The following RIMS2 variants were observed in gnomAD, a reference collection of about 807,000 sequenced individuals.
RIMS2 encodes regulating synaptic membrane exocytosis protein 2.
Under a neutral mutation model 174.4 loss-of-function variants are expected in RIMS2, and 59 were observed. The observed-to-expected ratio is 0.34, with a 90% CI of 0.27 to 0.42. The LOEUF is 0.42. Ranked by LOEUF, RIMS2 falls within the 10% of genes least tolerant of loss-of-function variation. RIMS2 has a pLI of 1.00. For missense variants in RIMS2, 1,620 were observed against 1,666.3 expected (o/e 0.97, Z 0.48); for synonymous variants, 606 against 572.5 (o/e 1.06, Z -0.84).
At chr8:103,812,331 GTTTTTTTT>G (rs71575985) in intron 3 of RIMS2, among the ~76,000 whole-genome samples, 5 of 111,644 alleles carry the variant, frequency 4.5e-5, no homozygotes, top group East Asian at 8.5e-4. Context: ...TTATTACCTT[GTTTTTTTT>G]TTTTTTTTTT....
rs1454012446 is a variant in RIMS2, at chr8:104,093,457, A to G, written c.3334+78842A>G. On this transcript the variant is annotated intron_variant, in intron 19 of 23. Coordinates refer to ENST00000504942, the Ensembl canonical transcript of RIMS2. The stretch of plus-strand genomic sequence containing the variant: ...ACTGACAACTTCTGCGTATTTGTCA[A>G]TCTGTGTTAACAGTATCGATCAGGA... The G allele has an allele frequency of 6.4e-7, 1 of 1,570,390 alleles. No individual in the cohort carries two copies. Among genetic ancestry groups the G allele is most frequent in the Non-Finnish European group, 8.6e-7 (1 of 1,162,620 alleles).
intron 3 of RIMS2, among the ~76,000 whole-genome samples, chr8:103,837,829 C>T (rs1336441540): frequency 6.6e-6 from 1 of 152,104 alleles, no homozygotes; most frequent in Admixed American, 6.6e-5. Context: ...CATACGTGTG[C>T]ATGTGTCTTT....
chr8:104,038,768 A>G (rs1189618538), intron 19 of RIMS2, among the ~76,000 whole-genome samples: 2 of 151,928 alleles, frequency 1.3e-5, no homozygotes, highest in East Asian at 1.9e-4. Flanking sequence ...GCAATAGTAC[A>G]TAATAAAACT....
chr8:103,555,979 C>G (rs1456525659), intron 1 of RIMS2, among the ~76,000 whole-genome samples: 2 of 151,872 alleles, frequency 1.3e-5, no homozygotes, highest in Non-Finnish European at 1.5e-5. Context: ...TATGTGGAAT[C>G]TAAAGAAGTT....
At chr8:103,766,536 A>C in exon 3 of RIMS2, 1 of 1,598,398 alleles carries the variant, frequency 6.3e-7, no homozygotes, top group Non-Finnish European at 8.5e-7. Flanking sequence ...AGCTTCAGAC[A>C]GGTAAACATT....
intron 19 of RIMS2, among the ~76,000 whole-genome samples, chr8:104,244,554 T>C (rs1006320298): frequency 3.9e-5 from 6 of 152,146 alleles, no homozygotes; most frequent in African/African-American, 1.2e-4. Flanking sequence ...CATTTAAATA[T>C]TACAATGAAA....
At chr8:103,568,614 G>T in intron 1 of RIMS2, 2 of 579,244 alleles carry the variant, frequency 3.5e-6, no homozygotes, top group South Asian at 3.1e-5. Flanking sequence ...GATCAGTTGT[G>T]ACTGTGCAAT....
chr8:103,868,768 A>G (rs2099095717), intron 3 of RIMS2, among the ~76,000 whole-genome samples: 1 of 152,188 alleles, frequency 6.6e-6, no homozygotes. Flanking sequence ...TTCACTTGAT[A>G]TAATTCATGA....
At chr8:103,584,060 TCAAGGATAAAGA>T (rs1216561264) in intron 1 of RIMS2, among the ~76,000 whole-genome samples, 2 of 151,962 alleles carry the variant, frequency 1.3e-5, no homozygotes, top group Non-Finnish European at 2.9e-5. Flanking sequence ...CTCCCAAAGG[TCAAGGATAAAGA>T]AAGGATCCGA....
chr8:104,051,480 T>C (rs1435503101), intron 19 of RIMS2, among the ~76,000 whole-genome samples: 2 of 151,886 alleles, frequency 1.3e-5, no homozygotes, highest in African/African-American at 4.8e-5. Context: ...TTTAAGGAAA[T>C]CTGTAAAAAT....
chr8:103,592,321 A>C (rs1203653269), intron 1 of RIMS2, among the ~76,000 whole-genome samples: 2 of 151,188 alleles, frequency 1.3e-5, no homozygotes, highest in Non-Finnish European at 3.0e-5. Flanking sequence ...AATAAAACAT[A>C]TTCTTCCATT....
intron 1 of RIMS2, among the ~76,000 whole-genome samples, chr8:103,695,704 G>A (rs1343685380): frequency 6.6e-6 from 1 of 150,620 alleles, no homozygotes; most frequent in South Asian, 2.1e-4. Flanking sequence ...ATTTTACTGT[G>A]TATGAGATCC....
chr8:104,211,447 T>C (rs1040783297), intron 19 of RIMS2, among the ~76,000 whole-genome samples: 18 of 152,154 alleles, frequency 1.2e-4, no homozygotes, highest in African/African-American at 4.3e-4. Context: ...GAGTACGACT[T>C]GTGATAAAAT....
In RIMS2 at chr8:103,583,378, C is replaced by G. The variant is rs964210109; in HGVS notation, c.176+82316C>G. On this transcript the variant is annotated intron_variant, in intron 1 of 23. Transcript: ENST00000504942. ...TGTTATATCATCTTCAGTGCCTAGA[C>G]ACTGAAGAAGATCTGCTAGCATCAA... 2.0e-5 allele frequency among the ~76,000 whole-genome samples: 3 copies of G among 152,112 alleles called. No individual in the cohort carries two copies. The East Asian group carries it at 5.8e-4, about 29-fold the overall frequency.
intron 3 of RIMS2, among the ~76,000 whole-genome samples, chr8:103,857,963 T>A (rs1055985817): frequency 6.6e-6 from 1 of 152,154 alleles, no homozygotes; most frequent in Non-Finnish European, 1.5e-5. Flanking sequence ...TAAGGAGAAA[T>A]GTCTGAGCTG....
At chr8:103,916,493 C>G (rs950726675) in exon 8 of RIMS2, 1 of 1,611,602 alleles carries the variant, frequency 6.2e-7, no homozygotes, top group African/African-American at 1.3e-5. Flanking sequence ...TTCTAGAATC[C>G]AAACCTGAAC....
intron 1 of RIMS2, among the ~76,000 whole-genome samples, chr8:103,652,935 G>C (rs1211993370): frequency 6.9e-6 from 1 of 145,752 alleles, no homozygotes; most frequent in Non-Finnish European, 1.5e-5. Flanking sequence ...CTATATTTTA[G>C]TATAAATAAT....
intron 2 of RIMS2, among the ~76,000 whole-genome samples, chr8:103,751,108 C>A (rs1426994105): frequency 1.3e-5 from 2 of 152,158 alleles, no homozygotes; most frequent in African/African-American, 2.4e-5. Context: ...GAGGCCTCCC[C>A]AGCCACATGG....
At chr8:103,621,693 C>A (rs1268493306) in intron 1 of RIMS2, among the ~76,000 whole-genome samples, 1 of 152,174 alleles carries the variant, frequency 6.6e-6, no homozygotes, top group Admixed American at 6.5e-5. Flanking sequence ...TGAAGAGGAA[C>A]CTCTGCTTTA....
Sources: allele counts gnomAD v4.1 joint callset (sites outside exome capture counted in the v4.1 genomes callset), GRCh38; gene constraint gnomAD v4.1.1; transcripts MANE v1.5; gene names NCBI Gene and HGNC (gene_info 2026-07-23, HGNC 2026-07-21).